The following ADTRP variants were observed in gnomAD, a reference collection of about 807,000 sequenced individuals.
The protein encoded by ADTRP is androgen dependent TFPI regulating protein, also known as androgen-dependent TFPI-regulating protein.
In ADTRP, 20 loss-of-function variants were observed where a neutral mutation model predicts 27.0. The observed-to-expected ratio is 0.74, with a 90% CI of 0.52 to 1.08. ADTRP has a LOEUF of 1.08. Among genes scored for constraint, ADTRP ranks in the 50% least tolerant of loss-of-function variants. ADTRP has a pLI of 0.00. For missense variants in ADTRP, 251 were observed against 275.0 expected (o/e 0.91, Z 0.62); for synonymous variants, 101 against 105.2 (o/e 0.96, Z 0.25).
chr6:11,774,695 C>G (rs1293025062), intron 1 of ADTRP, among the ~76,000 whole-genome samples: 1 of 152,154 alleles, frequency 6.6e-6, no homozygotes, highest in Non-Finnish European at 1.5e-5. Context: ...TATGTGGCCC[C>G]ACCTCTAACA....
chr6:11,714,892 G>A (rs1290806214), intron 5 of ADTRP, among the ~76,000 whole-genome samples: 2 of 152,198 alleles, frequency 1.3e-5, no homozygotes, highest in African/African-American at 4.8e-5. Context: ...TCAAATTAGA[G>A]AGGAAATAGA....
intron 5 of ADTRP, among the ~76,000 whole-genome samples, chr6:11,720,647 A>G (rs1399083929): frequency 6.6e-6 from 1 of 151,916 alleles, no homozygotes; most frequent in East Asian, 1.9e-4. Context: ...AATTTTTTGT[A>G]TTTTTAGTAG....
chr6:11,748,821 G>A (rs1051542346), intron 3 of ADTRP, among the ~76,000 whole-genome samples: 7 of 152,218 alleles, frequency 4.6e-5, no homozygotes, highest in Non-Finnish European at 1.0e-4. Flanking sequence ...GCAGGGCACA[G>A]TAAAGCCTGG....
intron 1 of ADTRP, among the ~76,000 whole-genome samples, chr6:11,775,418 A>G (rs1763920217): frequency 6.6e-6 from 1 of 151,744 alleles, no homozygotes; most frequent in African/African-American, 2.4e-5. Context: ...GAAATGAAAG[A>G]CACAAAGAAG....
intron 3 of ADTRP, among the ~76,000 whole-genome samples, chr6:11,750,311 C>T (rs913313408): frequency 3.3e-5 from 5 of 152,232 alleles, no homozygotes; most frequent in African/African-American, 1.2e-4. Flanking sequence ...ACAAATAGGA[C>T]TTGGATTTCA....
At chr6:11,725,214 C>T (rs1762148487) in intron 4 of ADTRP, among the ~76,000 whole-genome samples, 1 of 152,090 alleles carries the variant, frequency 6.6e-6, no homozygotes, top group Non-Finnish European at 1.5e-5. Flanking sequence ...ACAAAGGACA[C>T]AATAAACAGT....
At chr6:11,736,784 C>T (rs552505757) in intron 3 of ADTRP, 3 of 152,352 alleles carry the variant, frequency 2.0e-5, no homozygotes, top group Non-Finnish European at 4.4e-5. Flanking sequence ...GGTGTATATT[C>T]GTACGCTCTG....
chr6:11,749,645 C>T (rs1762977657), intron 3 of ADTRP, among the ~76,000 whole-genome samples: 1 of 152,040 alleles, frequency 6.6e-6, no homozygotes, highest in South Asian at 2.1e-4. Flanking sequence ...GTTAAGGAAG[C>T]AGAGTTTCAA....
At chr6:11,774,668 C>G (rs781105667) in intron 1 of ADTRP, among the ~76,000 whole-genome samples, 6 of 152,116 alleles carry the variant, frequency 3.9e-5, no homozygotes, top group Non-Finnish European at 7.4e-5. Context: ...CTCAGAATCT[C>G]CCCTGGAGAT....
intron 3 of ADTRP, among the ~76,000 whole-genome samples, chr6:11,754,164 G>A (rs551771644): frequency 6.6e-6 from 1 of 152,170 alleles, no homozygotes; most frequent in African/African-American, 2.4e-5. Context: ...GATACTGGCG[G>A]GTCCCCCTGT....
chr6:11,735,355 T>C (rs1184344233), intron 4 of ADTRP, among the ~76,000 whole-genome samples: 2 of 152,258 alleles, frequency 1.3e-5, no homozygotes, highest in Non-Finnish European at 2.9e-5. Flanking sequence ...TTGCTGTGTA[T>C]GTGTGTGCAC....
chr6:11,766,152 C>G, intron 3 of ADTRP, 122 bp downstream of exon 3: 2 of 662,422 alleles, frequency 3.0e-6, no homozygotes, highest in Non-Finnish European at 2.5e-6. Context: ...TTTAAATAAA[C>G]AGTGATGAGG....
intron 4 of ADTRP, among the ~76,000 whole-genome samples, chr6:11,724,152 C>T (rs1309245663): frequency 6.6e-6 from 1 of 152,098 alleles, no homozygotes; most frequent in Admixed American, 6.5e-5. Context: ...GATCCCTTTC[C>T]CTGAGAGGTA....
At chr6:11,768,962 C>T (rs980273795) in intron 1 of ADTRP, among the ~76,000 whole-genome samples, 12 of 152,076 alleles carry the variant, frequency 7.9e-5, no homozygotes, top group African/African-American at 2.4e-4. Context: ...CAGGCCTCAC[C>T]GAGACAATCT....
chr6:11,770,995 G>A (rs1298537202), intron 1 of ADTRP, among the ~76,000 whole-genome samples: 1 of 152,212 alleles, frequency 6.6e-6, no homozygotes, highest in African/African-American at 2.4e-5. Context: ...CGCCCGGCGT[G>A]TGAAGTCCAT....
intron 4 of ADTRP, among the ~76,000 whole-genome samples, chr6:11,727,964 AGG>A (rs1561745103): frequency 2.3e-5 from 1 of 42,670 alleles, no homozygotes; most frequent in Admixed American, 3.4e-4. Context: ...GGAGGCAGGG[AGG>A]GAGGGAGGTA....
intron 3 of ADTRP, among the ~76,000 whole-genome samples, chr6:11,760,194 C>T (rs1291919794): frequency 6.6e-6 from 1 of 152,146 alleles, no homozygotes; most frequent in African/African-American, 2.4e-5. Context: ...GCTTATCTTC[C>T]CCACTGGGAT....
At chr6:11,751,784 T>C (rs1763064095) in intron 3 of ADTRP, among the ~76,000 whole-genome samples, 1 of 152,240 alleles carries the variant, frequency 6.6e-6, no homozygotes, top group African/African-American at 2.4e-5. Flanking sequence ...TCCGAAAATG[T>C]CTTTATTTTG....
intron 5 of ADTRP, among the ~76,000 whole-genome samples, chr6:11,715,291 C>A (rs1761774656): frequency 6.6e-6 from 1 of 152,136 alleles, no homozygotes; most frequent in Admixed American, 6.5e-5. Context: ...CCCTTCAAAC[C>A]CTGCCACCTT....
Sources: gnomAD v4.1 joint callset for allele counts (sites outside exome capture counted in the v4.1 genomes callset) on GRCh38, gnomAD v4.1.1 for gene constraint, MANE v1.5 for transcripts, NCBI Gene and HGNC (gene_info 2026-07-23, HGNC 2026-07-21) for gene names.